Variants in SMYD3 observed in about 807,000 individuals in gnomAD.
SMYD3 encodes the protein SET and MYND domain containing 3, also known as histone-lysine N-methyltransferase SMYD3.
A neutral mutation model predicts 57.7 loss-of-function variants in SMYD3; 36 were observed. The observed-to-expected ratio is 0.62, with a 90% CI of 0.48 to 0.82. SMYD3 has a LOEUF of 0.82. Ranked by LOEUF, SMYD3 falls within the 40% of genes least tolerant of loss-of-function variation. The probability of loss-of-function intolerance (pLI) is 0.00; values close to 1 mark genes in which losing one functional copy is unlikely to be tolerated. For synonymous variants in SMYD3, 211 were observed against 195.0 expected, an observed-to-expected ratio of 1.08 and a Z score of -0.68; for missense variants, 515 against 538.8, an observed-to-expected ratio of 0.96 and a Z score of 0.44.
intron 5 of SMYD3, among the ~76,000 whole-genome samples, chr1:246,293,271 C>T (rs2064730516): frequency 6.6e-6 from 1 of 152,140 alleles, no homozygotes. Flanking sequence ...GTCATGTAGT[C>T]TGAACAACAA....
chr1:246,500,708 A>G (rs1252779115), intron 1 of SMYD3, among the ~76,000 whole-genome samples: 1 of 152,126 alleles, frequency 6.6e-6, no homozygotes, highest in African/African-American at 2.4e-5. Flanking sequence ...CCCCGTCCCC[A>G]TGGTTGCTCT....
chr1:245,867,490 CTTAG>C (rs59588324), intron 8 of SMYD3, among the ~76,000 whole-genome samples: 86,875 of 151,542 alleles, frequency 0.57, 27,373 homozygotes, highest in Non-Finnish European at 0.73. Flanking sequence ...CCTGGAATTA[CTTAG>C]TTAGATCACT....
intron 1 of SMYD3, among the ~76,000 whole-genome samples, chr1:246,461,658 C>T (rs1053510649): frequency 6.8e-5 from 10 of 146,380 alleles, no homozygotes; most frequent in South Asian, 4.3e-4. Context: ...GGCATGAACC[C>T]GGGAGGCTGA....
At chr1:246,323,111 T>A (rs999480055) in intron 5 of SMYD3, among the ~76,000 whole-genome samples, 15 of 152,210 alleles carry the variant, frequency 9.9e-5, no homozygotes, top group African/African-American at 2.7e-4. Context: ...ACTTCTGATA[T>A]GAGGTCCTCC....
intron 10 of SMYD3, among the ~76,000 whole-genome samples, chr1:245,793,993 A>T (rs1013398273): frequency 2.6e-5 from 4 of 151,880 alleles, no homozygotes; most frequent in Admixed American, 1.3e-4. Context: ...AACTGGGCTT[A>T]AAAAAAACCA....
At chr1:246,138,098 A>G (rs2061690858) in intron 5 of SMYD3, among the ~76,000 whole-genome samples, 1 of 152,202 alleles carries the variant, frequency 6.6e-6, no homozygotes, top group Non-Finnish European at 1.5e-5. Context: ...CTGAATAAAA[A>G]TATAGTATGT....
chr1:245,788,978 A>G (rs1482815969), intron 10 of SMYD3: 2 of 152,196 alleles, frequency 1.3e-5, no homozygotes, highest in Non-Finnish European at 2.9e-5. Flanking sequence ...GGAGGTTTGG[A>G]CTAGGGGACC....
intron 8 of SMYD3, among the ~76,000 whole-genome samples, chr1:245,910,071 C>G (rs1344272351): frequency 2.0e-5 from 3 of 152,018 alleles, no homozygotes; most frequent in African/African-American, 7.2e-5. Context: ...CCAAGAGACT[C>G]CAACAAAAAC....
In SMYD3 at chr1:245,949,833, C is replaced by A. The variant is rs1246977794; in HGVS notation, c.532-19896G>T. ...CCAAAAAAAAGAAACCCACCCCCCCCACCCCCACCCAACCAACCAAGAAAC... is the reference window on the plus strand; with the variant it reads ...CCAAAAAAAAGAAACCCACCCCCCCAACCCCCACCCAACCAACCAAGAAAC... On this transcript the variant is annotated intron_variant, in intron 5 of 11. Coordinates refer to ENST00000490107, the MANE Select transcript of SMYD3 (RefSeq NM_001167740.2). Among the ~76,000 whole-genome samples the A allele has an allele frequency of 4.3e-5, 6 of 139,724 alleles. 1 individual carries two copies. Among genetic ancestry groups the A allele is most frequent in the East Asian group, 2.1e-4 (1 of 4,770 alleles). 91.7% of individuals were successfully genotyped at this position (139,724 alleles called of 152,430 possible).
At chr1:245,921,572 C>CATATATATAT (rs59746333) in intron 7 of SMYD3, among the ~76,000 whole-genome samples, 25 of 139,896 alleles carry the variant, frequency 1.8e-4, no homozygotes, top group Non-Finnish European at 2.9e-4. Flanking sequence ...TATATATATA[C>CATATATATAT]ACATACCATG....
intron 5 of SMYD3, among the ~76,000 whole-genome samples, chr1:246,246,270 C>T (rs558701053): frequency 6.6e-6 from 1 of 152,116 alleles, no homozygotes; most frequent in Non-Finnish European, 1.5e-5. Flanking sequence ...TTTGTTCTTA[C>T]GGTATGATCC....
chr1:245,888,614 T>C (rs2053211833), intron 8 of SMYD3, among the ~76,000 whole-genome samples: 1 of 152,230 alleles, frequency 6.6e-6, no homozygotes, highest in South Asian at 2.1e-4. Context: ...TTGACCTAGA[T>C]GCCTAATGTT....
chr1:245,842,545 C>T (rs986670563), intron 10 of SMYD3, among the ~76,000 whole-genome samples: 33 of 152,232 alleles, frequency 2.2e-4, no homozygotes, highest in South Asian at 1.2e-3. Context: ...CCCTGGGGAA[C>T]AGCAAGCCGA....
At chr1:246,045,090 C>T (rs1175537953) in intron 5 of SMYD3, among the ~76,000 whole-genome samples, 1 of 152,200 alleles carries the variant, frequency 6.6e-6, no homozygotes, top group African/African-American at 2.4e-5. Flanking sequence ...CCATCCCCAT[C>T]AAGCTACCAA....
chr1:246,456,767 C>T (rs984528758), intron 1 of SMYD3, among the ~76,000 whole-genome samples: 3 of 152,094 alleles, frequency 2.0e-5, no homozygotes, highest in Admixed American at 1.3e-4. Context: ...TATCTATAAT[C>T]AGGTCTAAGG....
At chr1:245,769,296 G>A (rs1379290451) in intron 10 of SMYD3, among the ~76,000 whole-genome samples, 1 of 152,194 alleles carries the variant, frequency 6.6e-6, no homozygotes, top group East Asian at 1.9e-4. Flanking sequence ...AGTGCCATCC[G>A]ACGCAGAAGG....
chr1:245,998,677 G>A (rs925158504), intron 5 of SMYD3, among the ~76,000 whole-genome samples: 1 of 152,104 alleles, frequency 6.6e-6, no homozygotes, highest in Non-Finnish European at 1.5e-5. Context: ...CAAAGCAAAC[G>A]AAAGCAGCGA....
intron 5 of SMYD3, among the ~76,000 whole-genome samples, chr1:246,132,880 G>A (rs1397236308): frequency 6.6e-6 from 1 of 152,082 alleles, no homozygotes; most frequent in Non-Finnish European, 1.5e-5. Flanking sequence ...CACATGAAAT[G>A]ATGTTCACCA....
chr1:246,016,119 C>T (rs1196324575), intron 5 of SMYD3, among the ~76,000 whole-genome samples: 1 of 151,948 alleles, frequency 6.6e-6, no homozygotes, highest in Non-Finnish European at 1.5e-5. Flanking sequence ...AAATAAGTAT[C>T]AGCCAGGCAC....
Sources: allele counts gnomAD v4.1 joint callset (sites outside exome capture counted in the v4.1 genomes callset), GRCh38; gene constraint gnomAD v4.1.1; transcripts MANE v1.5; gene names NCBI Gene and HGNC (gene_info 2026-07-23, HGNC 2026-07-21).